TUBA1C: variants seen among roughly 807,000 people sequenced by gnomAD.
TUBA1C encodes tubulin alpha-1C chain.
In TUBA1C, 16 loss-of-function variants were observed where a neutral mutation model predicts 34.9. That is an observed-to-expected ratio of 0.46 (90% CI 0.31 to 0.70). The LOEUF is 0.70. Among genes scored for constraint, TUBA1C ranks in the 30% least tolerant of loss-of-function variants. The pLI is 0.05. For missense variants in TUBA1C, 329 were observed against 587.3 expected (o/e 0.56, Z 4.55); for synonymous variants, 177 against 215.9 (o/e 0.82, Z 1.58).
chr12:49,232,363 C>T (rs1202190628), intron 1 of TUBA1C, among the ~76,000 whole-genome samples: 2 of 152,164 alleles, frequency 1.3e-5, no homozygotes, highest in Non-Finnish European at 2.9e-5. Context: ...GAACTCATTG[C>T]AGCCTGCCCA....
At chr12:49,228,044 A>G in exon 1 of TUBA1C, 1 of 1,535,690 alleles carries the variant, frequency 6.5e-7, no homozygotes, top group Non-Finnish European at 8.7e-7. Context: ...ATCCTTTCTG[A>G]ATGCAAAACT....
intron 1 of TUBA1C, among the ~76,000 whole-genome samples, chr12:49,254,181 CAT>C: frequency 6.6e-6 from 1 of 152,206 alleles, no homozygotes; most frequent in African/African-American, 2.4e-5. Context: ...CGTGGTGGCG[CAT>C]GCCTGTAATC....
chr12:49,253,277 C>T (rs889909480), intron 1 of TUBA1C, among the ~76,000 whole-genome samples: 26 of 152,086 alleles, frequency 1.7e-4, no homozygotes, highest in African/African-American at 5.8e-4. Flanking sequence ...TCAGGTTATT[C>T]GGTTTTGCTA....
chr12:49,257,508 G>A (rs890612975), intron 1 of TUBA1C, among the ~76,000 whole-genome samples: 2 of 151,916 alleles, frequency 1.3e-5, no homozygotes, highest in Non-Finnish European at 1.5e-5. Flanking sequence ...CAGGCCAGGC[G>A]AGGTGGCTCA....
chr12:49,234,563 G>A (rs147554036), intron 1 of TUBA1C, among the ~76,000 whole-genome samples: 5,687 of 152,298 alleles, frequency 0.037, 153 homozygotes, highest in Non-Finnish European at 0.057. Context: ...GCGTGGCGCC[G>A]CAGTCCTGGC....
rs145357696 is a variant in TUBA1C, at chr12:49,252,806, G to A, written c.214-16659G>A. Among the ~76,000 whole-genome samples the A allele has an allele frequency of 2.2e-3, 331 of 152,238 alleles. 7 individuals are homozygous for A. The East Asian group carries it at 0.027, about 13-fold the overall frequency. ...CGGGCGCCTGTAGTCCCAGCTACTC[G>A]GGAGGCTGAGGCAGGAGAATCACTT... On this transcript the variant is annotated intron_variant, in intron 1 of 3. Transcript: ENST00000541364.
chr12:49,232,089 C>T (rs976509887), intron 1 of TUBA1C, among the ~76,000 whole-genome samples: 2 of 152,136 alleles, frequency 1.3e-5, no homozygotes, highest in Non-Finnish European at 2.9e-5. Flanking sequence ...CTCAGGGCCA[C>T]CCAACGCTTG....
chr12:49,239,900 AC>A (rs1942593936), intron 1 of TUBA1C, among the ~76,000 whole-genome samples: 1 of 152,118 alleles, frequency 6.6e-6, no homozygotes, highest in East Asian at 1.9e-4. Context: ...TTGGGACAGG[AC>A]CAGGACGGGA....
In TUBA1C at chr12:49,272,431, A is replaced by G. The variant is rs1210327129; in HGVS notation, c.554A>G (p.Tyr185Cys). The G allele has an allele frequency of 9.9e-6, 16 of 1,613,548 alleles. No homozygotes were observed. The highest frequency in any genetic ancestry group is 4.0e-5 in the African/African-American group (3 of 74,814). Residue 185 changes from tyrosine to cysteine, a missense_variant, in exon 4 of 4, where the codon TAC becomes TGC. Tyr to Cys is a radical substitution (Grantham distance 194). This residue lies in a region of TUBA1C where 152 missense variants were observed against 240.3 expected (regional missense o/e 0.63). Coordinates refer to ENST00000301072, the MANE Select transcript of TUBA1C (RefSeq NM_032704.5). The part of the protein sequence containing the change: ...PQVSTAVVEP[Y>C]NSILTTHTTL... ...GTTTCCACAGCTGTAGTTGAGCCCT[A>G]CAACTCCATCCTCACCACCCACACC...
At chr12:49,265,967 A>C (rs966171275) in intron 1 of TUBA1C, among the ~76,000 whole-genome samples, 5 of 142,292 alleles carry the variant, frequency 3.5e-5, no homozygotes, top group Non-Finnish European at 7.7e-5. Flanking sequence ...TAAAAAAAAA[A>C]AAAAACAAAA....
intron 2 of TUBA1C, 63 bp downstream of exon 2, chr12:49,269,750 G>C: frequency 1.2e-6 from 2 of 1,613,274 alleles, no homozygotes; most frequent in South Asian, 1.1e-5. Flanking sequence ...TCTGTCCTGG[G>C]GGGGCTCCGC....
At chr12:49,271,583 G>T (rs1318463259) in intron 3 of TUBA1C, among the ~76,000 whole-genome samples, 1 of 152,240 alleles carries the variant, frequency 6.6e-6, no homozygotes, top group African/African-American at 2.4e-5. Flanking sequence ...ACTGAGAAAT[G>T]AATGTGGTCA....
chr12:49,246,408 G>A (rs1200366736), intron 1 of TUBA1C, among the ~76,000 whole-genome samples: 5 of 151,974 alleles, frequency 3.3e-5, no homozygotes, highest in Non-Finnish European at 5.9e-5. Context: ...GGCCGGGCGC[G>A]GTGGCTCACG....
upstream of TUBA1C, among the ~76,000 whole-genome samples, chr12:49,261,733 GAA>G (rs1207928627): frequency 6.6e-6 from 1 of 151,730 alleles, no homozygotes; most frequent in African/African-American, 2.4e-5. Flanking sequence ...GAGTTAGGCT[GAA>G]AAAAAATAAG....
intron 1 of TUBA1C, among the ~76,000 whole-genome samples, chr12:49,244,590 T>C (rs1942649582): frequency 6.6e-6 from 1 of 151,346 alleles, no homozygotes; most frequent in East Asian, 1.9e-4. Context: ...TGAGATGGAG[T>C]TTCATTCTTG....
At position 49,265,109 on chromosome 12, in the gene TUBA1C, G is replaced by A; in HGVS notation, c.-73G>A. On this transcript the variant is annotated 5_prime_UTR_variant, in exon 1 of 4. Transcript: ENST00000301072. ...TACTTCTCCCCCGGACTCCTTGGTAGTCTGTTAGTGGGAGATCCTTGTTGC... is the reference window on the plus strand; with the variant it reads ...TACTTCTCCCCCGGACTCCTTGGTAATCTGTTAGTGGGAGATCCTTGTTGC... 1 of 1,552,184 alleles carries A rather than the reference G, an allele frequency of 6.4e-7. No individual in the cohort carries two copies. Among genetic ancestry groups the A allele is most frequent in the Non-Finnish European group, 8.8e-7 (1 of 1,141,608 alleles).
chr12:49,266,384 C>T (rs559458407), intron 1 of TUBA1C, among the ~76,000 whole-genome samples: 50 of 151,846 alleles, frequency 3.3e-4, no homozygotes, highest in Non-Finnish European at 3.2e-4. Context: ...GAGCCGAGAT[C>T]GCGCCACTGC....
intron 2 of TUBA1C, 23 bp from the exon 3 acceptor site, chr12:49,269,805 T>C (rs1942964943): frequency 6.2e-7 from 1 of 1,613,286 alleles, no homozygotes; most frequent in African/African-American, 1.3e-5. Context: ...TCCCTCCTCC[T>C]CCTCCCCCAT....
rs1943001582 is a variant in TUBA1C at position 49,272,273 on chromosome 12, T to C, written c.396T>C (p.Leu132=). The C allele has an allele frequency of 1.9e-6, 3 of 1,612,608 alleles. No homozygotes were observed. Among genetic ancestry groups the C allele is most frequent in the Non-Finnish European group, 2.5e-6 (3 of 1,179,196 alleles). ...IRKLADQCTG[L]QGFLVFHSFG... is the part of the protein sequence containing the mutation. ...TGCAGGCTGACCAGTGCACCGGTCTTCAGGGCTTCTTGGTTTTCCACAGCT... is the reference window on the plus strand; with the variant it reads ...TGCAGGCTGACCAGTGCACCGGTCTCCAGGGCTTCTTGGTTTTCCACAGCT... Residue 132 remains leucine (L), a synonymous_variant, in exon 4 of 4, where the codon CTT becomes CTC. Coordinates refer to ENST00000301072, the MANE Select transcript of TUBA1C (RefSeq NM_032704.5).
Sources: gnomAD v4.1 joint callset for allele counts (sites outside exome capture counted in the v4.1 genomes callset) on GRCh38, gnomAD v4.1.1 for gene constraint, gnomAD v4.1.1 regional missense constraint, MANE v1.5 for transcripts, NCBI Gene and HGNC (gene_info 2026-07-23, HGNC 2026-07-21) for gene names.